NUP153: variants seen among roughly 807,000 people sequenced by gnomAD.
The protein encoded by NUP153 is nucleoporin 153, also known as nuclear pore complex protein Nup153.
In NUP153, 27 loss-of-function variants were observed where a neutral mutation model predicts 134.6. The ratio of observed to expected loss-of-function variants is 0.20; its 90% CI spans 0.15 to 0.28. The LOEUF (loss-of-function observed/expected upper bound fraction) is 0.28, where lower values mean the gene tolerates loss of function less well. Ranked by LOEUF, NUP153 falls within the 10% of genes least tolerant of loss-of-function variation. The pLI is 1.00. For missense variants in NUP153, 1,821 were observed against 1,731.3 expected (o/e 1.05, Z -0.92); for synonymous variants, 640 against 623.5 (o/e 1.03, Z -0.40).
intron 5 of NUP153, among the ~76,000 whole-genome samples, chr6:17,673,198 G>A (rs765629336): frequency 2.0e-5 from 3 of 152,048 alleles, no homozygotes; most frequent in African/African-American, 4.8e-5. Flanking sequence ...GAGAAACTCC[G>A]TCTCTACTAA....
Position 17,624,446 on chromosome 6 carries a change from C to T in NUP153, c.4174+115G>A, listed in dbSNP as rs910028746. 5.7e-5 allele frequency: 57 copies of T among 996,880 alleles called. No homozygotes were observed. In the East Asian group the frequency reaches 1.2e-3, roughly 21 times the overall value. 61.8% of individuals were successfully genotyped at this position (996,880 alleles called of 1,614,324 possible). The stretch of plus-strand genomic sequence containing the variant: ...CAACCATATTACCTCTCTATTCTGC[C>T]AAGTACAAGAGATAATTTTAAAATT... On this transcript the variant is annotated intron_variant, in intron 20 of 21. Transcript: ENST00000262077.
chr6:17,649,188 T>G lies in NUP153; in HGVS notation c.1508A>C (p.Asn503Thr). Residue 503 changes from asparagine (N) to threonine (T), a missense_variant, in exon 12 of 22, where the codon AAT becomes ACT. Coordinates refer to ENST00000262077, the MANE Select transcript of NUP153 (RefSeq NM_005124.4). ...EITTSSPSPI[N>T]SSQALTNKVQ... ...CTTGTTTGTTAATGCTTGAGACGAA[T>G]TGATGGGTGATGGAGAGGAAGTTGT... 6.2e-7 allele frequency: 1 copy of G among 1,613,684 alleles called. No homozygotes were observed. The highest frequency in any genetic ancestry group is 8.5e-7 in the Non-Finnish European group (1 of 1,179,848).
intron 16 of NUP153, among the ~76,000 whole-genome samples, chr6:17,636,379 T>C (rs1012374566): frequency 1.3e-5 from 2 of 149,306 alleles, no homozygotes; most frequent in African/African-American, 2.5e-5. Context: ...ATCTTACTCA[T>C]AGGGAAATAT....
chr6:17,643,005 C>T (rs183046071), intron 14 of NUP153, among the ~76,000 whole-genome samples: 1 of 152,180 alleles, frequency 6.6e-6, no homozygotes, highest in African/African-American at 2.4e-5. Flanking sequence ...TGACAGTTAG[C>T]TAGGGGGAAG....
At chr6:17,673,065 T>G (rs1768009059) in intron 5 of NUP153, among the ~76,000 whole-genome samples, 1 of 151,840 alleles carries the variant, frequency 6.6e-6, no homozygotes, top group Admixed American at 6.6e-5. Flanking sequence ...ACACAAAAGA[T>G]GTCATCAAAA....
chr6:17,637,807 A>G (rs751659735), intron 15 of NUP153, 37 bp from the exon 16 acceptor site: 1 of 1,544,362 alleles, frequency 6.5e-7, no homozygotes. Flanking sequence ...ACGTTAGAGA[A>G]GCTTTATAAA....
At chr6:17,663,696 T>C (rs1251591082) in intron 9 of NUP153, among the ~76,000 whole-genome samples, 1 of 152,204 alleles carries the variant, frequency 6.6e-6, no homozygotes, top group East Asian at 1.9e-4. Flanking sequence ...TACTAATCTT[T>C]CTAAGTTTCA....
Position 17,628,056 on chromosome 6 carries a change from C to T in NUP153, c.3544+599G>A, listed in dbSNP as rs1765030951. On this transcript the variant is annotated intron_variant, in intron 18 of 21. Coordinates refer to ENST00000262077, the MANE Select transcript of NUP153 (RefSeq NM_005124.4). The surrounding 1 kb of genome is among the most constrained non-coding windows in gnomAD (Gnocchi z 5.4). ...CTAAGTTTGGGGAAATTCTAGTTCA[C>T]TAATCTGATTATCAGCTATGAAGTT... Among the ~76,000 whole-genome samples the T allele has an allele frequency of 6.6e-6, 1 of 152,172 alleles. No individual in the cohort carries two copies. The highest frequency in any genetic ancestry group is 2.1e-4 in the South Asian group (1 of 4,824).
intron 1 of NUP153, among the ~76,000 whole-genome samples, chr6:17,690,283 C>T (rs1769198913): frequency 6.6e-6 from 1 of 151,988 alleles, no homozygotes; most frequent in African/African-American, 2.4e-5. Flanking sequence ...ACCCGGGTGG[C>T]GTAGCTTGCA....
At chr6:17,627,095 C>A (rs184359370) in intron 18 of NUP153, among the ~76,000 whole-genome samples, 284 of 152,246 alleles carry the variant, frequency 1.9e-3, no homozygotes, top group Middle Eastern at 3.4e-3. Context: ...AGTTCCAATA[C>A]CGCACACTAT....
chr6:17,620,662 A>C (rs1328404687), intron 20 of NUP153, among the ~76,000 whole-genome samples: 1 of 152,120 alleles, frequency 6.6e-6, no homozygotes, highest in Non-Finnish European at 1.5e-5. Flanking sequence ...AACTTTCTTA[A>C]AACGTGGAGA....
At position 17,638,238 on chromosome 6, in the gene NUP153, T is replaced by C. The variant is rs900030240; in HGVS notation, c.1847-468A>G. ...CCTACTGCTGTGGTATTCTCTACCT[T>C]CAGTAAAATCAGCTGAGCAAGTCCT... is the stretch of plus-strand genomic sequence containing the variant. On this transcript the variant is annotated intron_variant, in intron 15 of 21. Transcript: ENST00000262077. The surrounding 1 kb of genome is among the most constrained non-coding windows in gnomAD (Gnocchi z 4.0). Among the ~76,000 whole-genome samples the C allele has an allele frequency of 6.6e-6, 1 of 152,226 alleles. No individual in the cohort carries two copies. Among genetic ancestry groups the C allele is most frequent in the Non-Finnish European group, 1.5e-5 (1 of 68,042 alleles).
intron 5 of NUP153, 49 bp from the exon 6 acceptor site, chr6:17,669,595 C>T: frequency 8.2e-7 from 1 of 1,226,360 alleles, no homozygotes; most frequent in African/African-American, 1.5e-5. Flanking sequence ...ATCTAAGGCA[C>T]ATATTTCATG....
intron 19 of NUP153, 25 bp from the exon 20 acceptor site, chr6:17,624,858 G>A: frequency 1.9e-6 from 3 of 1,543,468 alleles, no homozygotes; most frequent in Non-Finnish European, 2.6e-6. Context: ...AAACACTTAA[G>A]TCACCATGGT....
Position 17,706,423 on chromosome 6 carries a change from T to C in NUP153, c.-36A>G, listed in dbSNP as rs1581798707. Reference sequence around the variant, plus strand: ...CCGCCGCTTCCCGCTCCGGGGCGGGTAAGGGGGCGGGAGAGGCAGAGGCGG... The same window carrying C: ...CCGCCGCTTCCCGCTCCGGGGCGGGCAAGGGGGCGGGAGAGGCAGAGGCGG... On this transcript the variant is annotated 5_prime_UTR_variant, in exon 1 of 22. Transcript: ENST00000262077. This position sits in a 1 kb window ranked among gnomAD's most constrained non-coding sequence, Gnocchi z 5.9. 4 of 1,552,380 alleles carry C rather than the reference T, an allele frequency of 2.6e-6. No homozygotes were observed. The highest frequency in any genetic ancestry group is 2.2e-5 in the South Asian group (2 of 89,770).
At chr6:17,694,077 A>G (rs747804405) in intron 1 of NUP153, among the ~76,000 whole-genome samples, 61 of 152,152 alleles carry the variant, frequency 4.0e-4, no homozygotes, top group Non-Finnish European at 1.0e-4. Context: ...ATAGCACTGA[A>G]TCACCATATT....
At chr6:17,616,282 T>TGGGGGGGGGGTGGGGG in intron 21 of NUP153, 101 bp from the exon 22 acceptor site, 1 of 332,090 alleles carries the variant, frequency 3.0e-6, no homozygotes, top group Non-Finnish European at 5.4e-6. Context: ...GGGGGTCGGG[T>TGGGGGGGGGGTGGGGG]GGGGGGGGAG....
chr6:17,704,153 G>C (rs952107466), intron 1 of NUP153, among the ~76,000 whole-genome samples: 4 of 152,108 alleles, frequency 2.6e-5, no homozygotes, highest in Non-Finnish European at 5.9e-5. Flanking sequence ...TTAGCTGGGC[G>C]TGGTGGCGGG....
chr6:17,665,179 A>G (rs1178174184), intron 9 of NUP153, 60 bp downstream of exon 9: 3 of 1,282,652 alleles, frequency 2.3e-6, no homozygotes, highest in Non-Finnish European at 3.3e-6. Flanking sequence ...ATTTTACATT[A>G]TTTAGTCTTA....
Sources: allele counts gnomAD v4.1 joint callset (sites outside exome capture counted in the v4.1 genomes callset), GRCh38; gene constraint gnomAD v4.1.1; non-coding constraint Gnocchi (gnomAD v3.1); transcripts MANE v1.5; gene names NCBI Gene and HGNC (gene_info 2026-07-23, HGNC 2026-07-21).